Variants in PLD3 observed in about 807,000 individuals in gnomAD.
PLD3 encodes the protein 5'-3' exonuclease PLD3.
Under a neutral mutation model 58.4 loss-of-function variants are expected in PLD3, and 31 were observed. The ratio of observed to expected loss-of-function variants is 0.53; its 90% confidence interval spans 0.40 to 0.72. The LOEUF (loss-of-function observed/expected upper bound fraction) is 0.72, where lower values mean the gene tolerates loss of function less well. Ranked by LOEUF, PLD3 falls within the 30% of genes least tolerant of loss-of-function variation. The pLI is 0.00. For missense variants in PLD3, 595 were observed against 659.8 expected (o/e 0.90, Z 1.08); for synonymous variants, 264 against 273.4 (o/e 0.97, Z 0.34).
intron 10 of PLD3, among the ~76,000 whole-genome samples, chr19:40,375,237 G>A (rs1236050922): frequency 1.3e-5 from 2 of 152,010 alleles, no homozygotes; most frequent in East Asian, 1.9e-4. Context: ...GGTGCAGGAT[G>A]TGGGATTTGG....
chr19:40,377,169 GA>G, intron 11 of PLD3, among the ~76,000 whole-genome samples: 1 of 139,228 alleles, frequency 7.2e-6, no homozygotes, highest in Non-Finnish European at 1.6e-5. Context: ...GGCACAGGCA[GA>G]GGGGTCGGGG....
At chr19:40,367,352 G>A (rs1273521861) in intron 5 of PLD3, 5 of 266,554 alleles carry the variant, frequency 1.9e-5, no homozygotes, top group South Asian at 1.2e-4. Context: ...GGGCTGAGGC[G>A]GGAGGATTGC....
rs1313886181 is a variant in PLD3, at chr19:40,367,857, C to T, written c.407C>T (p.Thr136Met). 3.2e-6 allele frequency: 5 copies of T among 1,558,890 alleles called. No homozygotes were observed. Among genetic ancestry groups the T allele is most frequent in the African/African-American group, 1.4e-5 (1 of 73,548 alleles). ...ACCCTCACCAACAATGACACCCACA[C>T]GCAGGAGCCCTCTGCCCAGCAGGTA... ...YWTLTNNDTH[T>M]QEPSAQQGEE... is the part of the protein sequence containing the mutation. The change falls in exon 6 of 13, where the codon ACG becomes ATG. Residue 136 changes from threonine to methionine, a missense_variant. Thr to Met is a moderately conservative substitution (Grantham distance 81). Coordinates refer to ENST00000409735, the MANE Select transcript of PLD3 (RefSeq NM_012268.4).
Position 40,377,876 on chromosome 19 carries a change from A to T in PLD3, c.1276A>T (p.Thr426Ser). The T allele has an allele frequency of 6.2e-7, 1 of 1,613,810 alleles. No homozygotes were observed. Among genetic ancestry groups the T allele is most frequent in the Non-Finnish European group, 8.5e-7 (1 of 1,179,806 alleles). Residue 426 changes from threonine to serine, a missense_variant, in exon 12 of 13, where the codon ACC becomes TCC. Coordinates refer to ENST00000409735, the MANE Select transcript of PLD3 (RefSeq NM_012268.4). Reference protein sequence around the residue: ...HNKYMVTERATYIGTSNWSGN... With the variant: ...HNKYMVTERASYIGTSNWSGN... ...CAAGTACATGGTGACTGAACGCGCCACCTACATCGGTGAGTGTCTTGAGCA... is the reference window on the plus strand; with the variant it reads ...CAAGTACATGGTGACTGAACGCGCCTCCTACATCGGTGAGTGTCTTGAGCA...
chr19:40,377,726 C>A, intron 11 of PLD3, 60 bp from the exon 12 acceptor site: 2 of 1,232,644 alleles, frequency 1.6e-6, no homozygotes, highest in South Asian at 1.2e-5. Context: ...TCCCTGATCC[C>A]GGGGCTCCTC....
At chr19:40,367,612 C>T (rs766995807) in intron 5 of PLD3, 84 bp from the exon 6 acceptor site, 4 of 1,169,518 alleles carry the variant, frequency 3.4e-6, no homozygotes, top group Non-Finnish European at 3.7e-6. Context: ...CTATCCAACA[C>T]ACCCATGGAC....
At chr19:40,367,404 G>A (rs1175466491) in intron 5 of PLD3, 6 of 313,180 alleles carry the variant, frequency 1.9e-5, no homozygotes, top group East Asian at 1.6e-4. Context: ...AATGTAGTGC[G>A]GCTCCATCTC....
intron 1 of PLD3, among the ~76,000 whole-genome samples, chr19:40,355,359 C>T (rs928013813): frequency 2.0e-4 from 31 of 151,438 alleles, no homozygotes; most frequent in South Asian, 1.0e-3. Context: ...GTTGCCCAGG[C>T]TGAAGTGCAG....
chr19:40,357,533 T>G (rs1481453917), intron 1 of PLD3: 2 of 152,194 alleles, frequency 1.3e-5, no homozygotes, highest in Non-Finnish European at 2.9e-5. Context: ...AATCTCAGGT[T>G]GAGATGCCAT....
At chr19:40,361,039 T>C (rs960918953) in intron 1 of PLD3, among the ~76,000 whole-genome samples, 6 of 151,736 alleles carry the variant, frequency 4.0e-5, no homozygotes, top group African/African-American at 7.3e-5. Flanking sequence ...CCCCGCACTG[T>C]GCGAGGCCAA....
intron 1 of PLD3, among the ~76,000 whole-genome samples, chr19:40,349,273 C>A (rs895175252): frequency 6.6e-6 from 1 of 152,152 alleles, no homozygotes; most frequent in Non-Finnish European, 1.5e-5. Flanking sequence ...ACTCTTACGT[C>A]ATCATTACCC....
intron 3 of PLD3, 45 bp downstream of exon 3, chr19:40,366,555 G>A: frequency 6.3e-7 from 1 of 1,594,804 alleles, no homozygotes. Context: ...GGGTACAGTG[G>A]GGGTGGGGGT....
Position 40,354,352 on chromosome 19 carries a change from G to T in PLD3, c.-279+5584G>T, listed in dbSNP as rs150986595. 3.7e-3 allele frequency among the ~76,000 whole-genome samples: 555 copies of T among 151,676 alleles called. 2 individuals carry two copies. Among genetic ancestry groups the T allele is most frequent in the African/African-American group, 0.013 (519 of 41,330 alleles). On this transcript the variant is annotated intron_variant, in intron 1 of 12. Transcript: ENST00000409735. ...CTCCCAAAGTGCTGGGGTTACAGGC[G>T]TGAGCCACCACGCCTGGCCTAGGCT...
intron 2 of PLD3, 50 bp from the exon 3 acceptor site, chr19:40,366,369 C>A (rs2078922215): frequency 1.1e-6 from 1 of 877,478 alleles, no homozygotes; most frequent in Admixed American, 1.7e-5. Context: ...TGATGTCTGT[C>A]CCTGGAAAGC....
intron 11 of PLD3, among the ~76,000 whole-genome samples, chr19:40,377,361 G>C (rs910414889): frequency 3.8e-5 from 5 of 131,974 alleles, no homozygotes; most frequent in East Asian, 2.2e-4. Context: ...GGGCTGGGAT[G>C]GGGGGGCACA....
chr19:40,377,743 C>T (rs750731911), intron 11 of PLD3, 43 bp from the exon 12 acceptor site: 33 of 1,464,940 alleles, frequency 2.3e-5, no homozygotes, highest in Non-Finnish European at 3.0e-5. Flanking sequence ...CCTCCGACTC[C>T]CCCTGCCTCT....
intron 1 of PLD3, among the ~76,000 whole-genome samples, chr19:40,354,265 G>A (rs2078597598): frequency 1.3e-5 from 2 of 151,764 alleles, no homozygotes; most frequent in African/African-American, 2.4e-5. Flanking sequence ...GTAGAGACGG[G>A]GTTTCACCAT....
At chr19:40,353,874 G>C (rs983456778) in intron 1 of PLD3, among the ~76,000 whole-genome samples, 42 of 150,114 alleles carry the variant, frequency 2.8e-4, no homozygotes, top group Middle Eastern at 3.7e-3. Context: ...CACCACACCT[G>C]GCCCTACCAT....
At chr19:40,363,829 G>A (rs1156611015) in intron 1 of PLD3, among the ~76,000 whole-genome samples, 1 of 152,188 alleles carries the variant, frequency 6.6e-6, no homozygotes, top group Non-Finnish European at 1.5e-5. Context: ...GACATTGGTA[G>A]GGAGGAGTTT....
Sources: allele counts gnomAD v4.1 joint callset (sites outside exome capture counted in the v4.1 genomes callset), GRCh38; gene constraint gnomAD v4.1.1; transcripts MANE v1.5; gene names NCBI Gene and HGNC (gene_info 2026-07-23, HGNC 2026-07-21).